The following UGT1A7 variants were observed in gnomAD, a reference collection of about 807,000 sequenced individuals.
The protein encoded by UGT1A7 is UDP glucuronosyltransferase family 1 member A7, also known as UDP-glucuronosyltransferase 1A7.
UGT1A7 carries 33 observed loss-of-function variants against 45.6 expected under a neutral mutation model. That is an observed-to-expected ratio of 0.72 (90% CI 0.55 to 0.97). The LOEUF (loss-of-function observed/expected upper bound fraction) is 0.97. Ranked by LOEUF, UGT1A7 falls within the 50% of genes least tolerant of loss-of-function variation. The pLI, the probability that UGT1A7 is intolerant of heterozygous loss-of-function variation, is 0.00. For missense variants in UGT1A7, 684 were observed against 666.2 expected (o/e 1.03, Z -0.29); for synonymous variants, 274 against 250.6 (o/e 1.09, Z -0.88).
intron 1 of UGT1A7, among the ~76,000 whole-genome samples, chr2:233,709,770 T>C (rs1158323937): frequency 1.3e-5 from 2 of 152,254 alleles, no homozygotes; most frequent in Non-Finnish European, 1.5e-5. Flanking sequence ...ATTATTTACA[T>C]GCAATAAAGT....
intron 1 of UGT1A7, among the ~76,000 whole-genome samples, chr2:233,704,992 C>T (rs970077925): frequency 2.6e-5 from 4 of 151,900 alleles, no homozygotes; most frequent in South Asian, 4.1e-4. Context: ...AGAAATTAGC[C>T]GGGTATGGTG....
intron 1 of UGT1A7, among the ~76,000 whole-genome samples, chr2:233,764,766 A>C (rs1389982241): frequency 6.6e-6 from 1 of 152,156 alleles, no homozygotes; most frequent in Non-Finnish European, 1.5e-5. Flanking sequence ...CTAGGGAGGA[A>C]GGAGTTCAGA....
intron 1 of UGT1A7, chr2:233,713,073 A>G (rs2076276099): frequency 1.2e-6 from 2 of 1,614,110 alleles, no homozygotes; most frequent in African/African-American, 2.7e-5. Flanking sequence ...CTGGGCTGAG[A>G]GTGGGAAGGT....
intron 1 of UGT1A7, among the ~76,000 whole-genome samples, chr2:233,724,483 C>A (rs1180664629): frequency 6.5e-4 from 44 of 68,188 alleles, no homozygotes; most frequent in South Asian, 1.6e-3. Flanking sequence ...ACTTCTCAGA[C>A]GGGGCGGCCG....
chr2:233,766,080 C>A (rs1198931583), intron 1 of UGT1A7, among the ~76,000 whole-genome samples: 1 of 152,194 alleles, frequency 6.6e-6, no homozygotes, highest in African/African-American at 2.4e-5. Context: ...TACCTTGTCG[C>A]AAGGACAGAG....
chr2:233,687,657 C>T (rs1575438647), intron 1 of UGT1A7, among the ~76,000 whole-genome samples: 1 of 149,950 alleles, frequency 6.7e-6, no homozygotes, highest in Non-Finnish European at 1.5e-5. Context: ...AATCACAGCA[C>T]TTTAGGAGGC....
intron 1 of UGT1A7, among the ~76,000 whole-genome samples, chr2:233,697,486 T>G (rs1423880870): frequency 6.6e-6 from 1 of 151,808 alleles, no homozygotes; most frequent in Non-Finnish European, 1.5e-5. Context: ...GCTCAAGGTT[T>G]GCCAATTTTG....
At chr2:233,747,651 G>C in intron 1 of UGT1A7, 1 of 1,588,730 alleles carries the variant, frequency 6.3e-7, no homozygotes, top group Non-Finnish European at 8.6e-7. Flanking sequence ...TACTTCCTTC[G>C]ATGTGGTTTT....
At chr2:233,697,433 C>A (rs1039181362) in intron 1 of UGT1A7, among the ~76,000 whole-genome samples, 9 of 150,656 alleles carry the variant, frequency 6.0e-5, no homozygotes, top group African/African-American at 2.2e-4. Flanking sequence ...TTTCCTTTTT[C>A]ATTTCTGATT....
At chr2:233,734,752 T>C (rs1438884438) in intron 1 of UGT1A7, among the ~76,000 whole-genome samples, 1 of 152,248 alleles carries the variant, frequency 6.6e-6, no homozygotes, top group African/African-American at 2.4e-5. Context: ...TCTTTATTTC[T>C]GCCTTCACTT....
Position 233,729,669 on chromosome 2 carries a change from C to G in UGT1A7, c.856-37365C>G, listed in dbSNP as rs1433524187. ...TGAGGAACATTCCATGTGATTTAGA[C>G]TTTAAGGGCACACAGTGTCCAAACC... On this transcript the variant is annotated intron_variant, in intron 1 of 4. Coordinates refer to ENST00000373426, the MANE Select transcript of UGT1A7 (RefSeq NM_019077.3). 47 of 1,613,792 alleles carry G rather than the reference C, an allele frequency of 2.9e-5. No individual in the cohort carries two copies. Among genetic ancestry groups the G allele is most frequent in the Non-Finnish European group, 3.7e-5 (44 of 1,179,864 alleles).
At chr2:233,760,223 T>G (rs1453955510) in intron 1 of UGT1A7, 1 of 1,589,146 alleles carries the variant, frequency 6.3e-7, no homozygotes, top group African/African-American at 1.5e-5. Flanking sequence ...GTGTATCGAT[T>G]GGTTTTTGCC....
chr2:233,764,590 G>A (rs1263378964), intron 1 of UGT1A7, among the ~76,000 whole-genome samples: 1 of 152,150 alleles, frequency 6.6e-6, no homozygotes, highest in Non-Finnish European at 1.5e-5. Context: ...GCCTTTTCCA[G>A]ATGAGCTTCA....
Position 233,712,954 on chromosome 2 carries a change from G to T in UGT1A7, c.855+30162G>T, listed in dbSNP as rs367675101. On this transcript the variant is annotated intron_variant, in intron 1 of 4. Coordinates refer to ENST00000373426, the MANE Select transcript of UGT1A7 (RefSeq NM_019077.3). ...AGGAAACAATTCTAGGAGGCACAAC[G>T]TGGGGTGGACAGTCAGCTGTCGGTG... 79 of 1,612,730 alleles carry T rather than the reference G, an allele frequency of 4.9e-5. No individual in the cohort carries two copies. In the African/African-American group the frequency reaches 8.8e-4, roughly 18 times the overall value.
chr2:233,708,499 C>T (rs1169356976), intron 1 of UGT1A7: 1 of 152,226 alleles, frequency 6.6e-6, no homozygotes, highest in Non-Finnish European at 1.5e-5. Flanking sequence ...TGCTTATAAT[C>T]CCAGCACTTT....
At chr2:233,762,186 C>A (rs1400291325) in intron 1 of UGT1A7, among the ~76,000 whole-genome samples, 1 of 152,134 alleles carries the variant, frequency 6.6e-6, no homozygotes, top group African/African-American at 2.4e-5. Context: ...TCAACACCTG[C>A]CAATGGGTCT....
rs767607575 is a variant in UGT1A7, at chr2:233,760,238, A to G, written c.856-6796A>G. ...GTGTATCGATTGGTTTTTGCCATATATATATATATAAGTAGGAGAGGGCGA... is the reference window on the plus strand; with the variant it reads ...GTGTATCGATTGGTTTTTGCCATATGTATATATATAAGTAGGAGAGGGCGA... On this transcript the variant is annotated intron_variant, in intron 1 of 4. Transcript: ENST00000373426. The G allele has an allele frequency of 3.7e-6, 6 of 1,606,676 alleles. No homozygotes were observed. Among genetic ancestry groups the G allele is most frequent in the Admixed American group, 3.3e-5 (2 of 59,932 alleles).
intron 1 of UGT1A7, among the ~76,000 whole-genome samples, chr2:233,766,597 G>A (rs1228112720): frequency 6.6e-6 from 1 of 152,126 alleles, no homozygotes; most frequent in Non-Finnish European, 1.5e-5. Flanking sequence ...CCTCGCCAGG[G>A]ACCACACCCT....
At chr2:233,701,814 A>G (rs2075653740) in intron 1 of UGT1A7, among the ~76,000 whole-genome samples, 1 of 152,220 alleles carries the variant, frequency 6.6e-6, no homozygotes, top group Non-Finnish European at 1.5e-5. Context: ...AAGACACAAC[A>G]TACCAGAATC....
Sources: gnomAD v4.1 joint callset for allele counts (sites outside exome capture counted in the v4.1 genomes callset) on GRCh38, gnomAD v4.1.1 for gene constraint, MANE v1.5 for transcripts, NCBI Gene and HGNC (gene_info 2026-07-23, HGNC 2026-07-21) for gene names.